Variants in DENND2A observed in about 807,000 individuals in gnomAD.
DENND2A encodes DENN domain containing 2A, also known as DENN domain-containing protein 2A.
DENND2A carries 53 observed loss-of-function variants against 105.3 expected under a neutral mutation model. The observed-to-expected ratio is 0.50, with a 90% CI of 0.40 to 0.63. DENND2A has a LOEUF of 0.63. Among genes scored for constraint, DENND2A ranks in the 30% least tolerant of loss-of-function variants. DENND2A has a pLI of 0.00. For missense variants in DENND2A, 1,138 were observed against 1,279.6 expected (o/e 0.89, Z 1.69); for synonymous variants, 522 against 508.4 (o/e 1.03, Z -0.36).
At position 140,523,236 on chromosome 7, in the gene DENND2A, C is replaced by T; in HGVS notation, c.2665+71G>A. 1 of 1,464,956 alleles carries T rather than the reference C, an allele frequency of 6.8e-7. No homozygotes were observed. The highest frequency in any genetic ancestry group is 9.6e-7 in the Non-Finnish European group (1 of 1,045,308). 90.7% of individuals were successfully genotyped at this position (1,464,956 alleles called of 1,614,324 possible). ...GCCCATATTCCTACTTGGCCCTTGGCCACTGCCCATTTGTTCCCTGACCCT... is the reference window on the plus strand; with the variant it reads ...GCCCATATTCCTACTTGGCCCTTGGTCACTGCCCATTTGTTCCCTGACCCT... On this transcript the variant is annotated intron_variant, in intron 17 of 19. Transcript: ENST00000496613. This position sits in a 1 kb window ranked among gnomAD's most constrained non-coding sequence, Gnocchi z 4.5.
intron 1 of DENND2A, among the ~76,000 whole-genome samples, chr7:140,634,000 T>TC (rs1167634187): frequency 1.8e-4 from 25 of 139,144 alleles, no homozygotes; most frequent in Admixed American, 3.7e-4. Context: ...AATAGATTTC[T>TC]TTTTTTTTTT....
At chr7:140,595,433 A>T (rs1799243456) in intron 3 of DENND2A, among the ~76,000 whole-genome samples, 1 of 152,106 alleles carries the variant, frequency 6.6e-6, no homozygotes, top group Non-Finnish European at 1.5e-5. Flanking sequence ...AATTGTTTTG[A>T]ATCCATTTCC....
At chr7:140,627,531 A>AT (rs34608034) in intron 1 of DENND2A, among the ~76,000 whole-genome samples, 57,873 of 148,248 alleles carry the variant, frequency 0.39, 11,304 homozygotes, top group Middle Eastern at 0.48. Context: ...TTATTTATTT[A>AT]TTTTTTTTTG....
intron 14 of DENND2A, among the ~76,000 whole-genome samples, chr7:140,533,930 T>C (rs1796361352): frequency 6.6e-6 from 1 of 152,076 alleles, no homozygotes; most frequent in Non-Finnish European, 1.5e-5. Context: ...TTTTTCTTTT[T>C]TTAGATGGAG....
At chr7:140,627,535 T>TTTA (rs1563187499) in intron 1 of DENND2A, among the ~76,000 whole-genome samples, 11 of 151,334 alleles carry the variant, frequency 7.3e-5, no homozygotes, top group African/African-American at 2.7e-4. Context: ...TTATTTATTT[T>TTTA]TTTTTGAGAT....
chr7:140,533,202 A>G (rs889612097), intron 14 of DENND2A, among the ~76,000 whole-genome samples: 2 of 152,150 alleles, frequency 1.3e-5, no homozygotes, highest in South Asian at 2.1e-4. Flanking sequence ...CATGTTGGCC[A>G]GGATGGTCTC....
At chr7:140,629,858 CTT>C (rs551954045) in intron 1 of DENND2A, among the ~76,000 whole-genome samples, 23 of 138,260 alleles carry the variant, frequency 1.7e-4, no homozygotes, top group Non-Finnish European at 9.4e-5. Context: ...CTTTCTCTCT[CTT>C]TTTTTTTTTT....
At chr7:140,581,823 A>T (rs1036630225) in intron 5 of DENND2A, among the ~76,000 whole-genome samples, 1 of 152,154 alleles carries the variant, frequency 6.6e-6, no homozygotes, top group Non-Finnish European at 1.5e-5. Context: ...TGACATTCTC[A>T]CCTACTGGGC....
At position 140,587,704 on chromosome 7, in the gene DENND2A, G is replaced by T. The variant is rs146122731; in HGVS notation, c.1072C>A (p.Leu358Met). The change falls in exon 4 of 20, where the codon CTG becomes ATG. Residue 358 changes from leucine (L) to methionine (M), a missense_variant. This residue lies in a region of DENND2A where 511 missense variants were observed against 499.9 expected (regional missense o/e 1.02). Coordinates refer to ENST00000496613, the MANE Select transcript of DENND2A (RefSeq NM_015689.5). ...SRVDWYAQTKLGLTRTLSEEN... is the reference protein window; with the variant it reads ...SRVDWYAQTKMGLTRTLSEEN... Reference sequence around the variant, plus strand: ...TCCGATAAAGTGCGTGTCAGCCCCAGCTTAGTCTGCGCGTACCAGTCCACC... The same window carrying T: ...TCCGATAAAGTGCGTGTCAGCCCCATCTTAGTCTGCGCGTACCAGTCCACC... The T allele has an allele frequency of 1.4e-4, 223 of 1,613,938 alleles. 1 individual carries two copies. Among genetic ancestry groups the T allele is most frequent in the Middle Eastern group, 8.3e-4 (5 of 6,058 alleles).
intron 3 of DENND2A, among the ~76,000 whole-genome samples, chr7:140,590,323 G>A (rs563426328): frequency 6.6e-6 from 1 of 152,096 alleles, no homozygotes; most frequent in African/African-American, 2.4e-5. Context: ...CGGGGAGGTG[G>A]AAGTTGCAGT....
At chr7:140,588,764 CA>C (rs1798889828) in intron 3 of DENND2A, among the ~76,000 whole-genome samples, 1 of 129,300 alleles carries the variant, frequency 7.7e-6, no homozygotes, top group African/African-American at 3.2e-5. Context: ...CTTTTTTTGG[CA>C]CTTTTTTTTT....
Position 140,610,798 on chromosome 7 carries a change from C to T in DENND2A, c.-247-4992G>A, listed in dbSNP as rs114578380. Among the ~76,000 whole-genome samples, 1,036 of 152,308 alleles carry T rather than the reference C, an allele frequency of 6.8e-3. 8 individuals are homozygous for T. The highest frequency in any genetic ancestry group is 0.023 in the African/African-American group (959 of 41,574). On this transcript the variant is annotated intron_variant, in intron 1 of 19. Transcript: ENST00000496613. ...GCATTTGGAGGAGGACCAAGAGAAG[C>T]GGGCTATGCCTGAGGGGAGAGGAGC...
intron 18 of DENND2A, among the ~76,000 whole-genome samples, chr7:140,521,044 T>C (rs1470596674): frequency 6.6e-6 from 1 of 150,980 alleles, no homozygotes; most frequent in African/African-American, 2.4e-5. Flanking sequence ...CTGGCTAATT[T>C]TCTTTATTTT....
chr7:140,616,658 G>C (rs1800096102), intron 1 of DENND2A, among the ~76,000 whole-genome samples: 1 of 152,056 alleles, frequency 6.6e-6, no homozygotes, highest in South Asian at 2.1e-4. Flanking sequence ...TAAAAGTGAG[G>C]AGTCCTGGAC....
intron 1 of DENND2A, among the ~76,000 whole-genome samples, chr7:140,610,555 C>T (rs938466716): frequency 6.6e-6 from 1 of 152,080 alleles, no homozygotes; most frequent in Admixed American, 6.6e-5. Context: ...TATAATTTTA[C>T]AGTTCCTTCC....
chr7:140,632,268 C>A (rs956875938), intron 1 of DENND2A, among the ~76,000 whole-genome samples: 1 of 152,174 alleles, frequency 6.6e-6, no homozygotes, highest in Non-Finnish European at 1.5e-5. Flanking sequence ...TCTGACTCCT[C>A]TGATTCATTG....
At chr7:140,521,296 C>T (rs918552266) in intron 18 of DENND2A, among the ~76,000 whole-genome samples, 24 of 150,538 alleles carry the variant, frequency 1.6e-4, no homozygotes, top group Admixed American at 3.3e-4. Context: ...TTTTTTGTGA[C>T]GGAGTCTCAC....
chr7:140,580,380 C>T (rs1563155754), intron 5 of DENND2A, among the ~76,000 whole-genome samples: 1 of 152,070 alleles, frequency 6.6e-6, no homozygotes, highest in Non-Finnish European at 1.5e-5. Context: ...AGAGCTGTGG[C>T]ACAAAAATAG....
intron 1 of DENND2A, among the ~76,000 whole-genome samples, chr7:140,630,550 C>G (rs1367847673): frequency 6.6e-6 from 1 of 152,128 alleles, no homozygotes; most frequent in Non-Finnish European, 1.5e-5. Context: ...ACTGAGGAGG[C>G]AGTATTCAAA....
Sources: allele counts gnomAD v4.1 joint callset (sites outside exome capture counted in the v4.1 genomes callset), GRCh38; gene constraint gnomAD v4.1.1; regional missense constraint gnomAD v4.1.1; non-coding constraint Gnocchi (gnomAD v3.1); transcripts MANE v1.5; gene names NCBI Gene and HGNC (gene_info 2026-07-23, HGNC 2026-07-21).